Variants in RBMS3 observed in about 807,000 individuals in gnomAD.
RBMS3 encodes the protein RNA binding motif single stranded interacting protein 3.
A neutral mutation model predicts 66.8 loss-of-function variants in RBMS3; 27 were observed. The observed-to-expected ratio is 0.40, with a 90% CI of 0.30 to 0.56. The LOEUF (loss-of-function observed/expected upper bound fraction) is 0.56. Among genes scored for constraint, RBMS3 ranks in the 20% least tolerant of loss-of-function variants. The pLI is 0.40. For synonymous variants in RBMS3, 188 were observed against 183.0 expected, an observed-to-expected ratio of 1.03 and a Z score of -0.22; for missense variants, 513 against 549.5, an observed-to-expected ratio of 0.93 and a Z score of 0.66.
chr3:29,773,335 A>C (rs2056290296), intron 6 of RBMS3, among the ~76,000 whole-genome samples: 1 of 152,056 alleles, frequency 6.6e-6, no homozygotes, highest in African/African-American at 2.4e-5. Flanking sequence ...ATTTAGAAAG[A>C]TAGATAATGC....
At chr3:30,003,730 GC>G in intron 14 of RBMS3, 125 bp from the exon 15 acceptor site, 1 of 565,930 alleles carries the variant, frequency 1.8e-6, no homozygotes, top group Non-Finnish European at 2.8e-6. Flanking sequence ...ATTTTATGAT[GC>G]TTTTGTGACT....
chr3:29,386,683 A>T (rs1488885359), intron 1 of RBMS3, among the ~76,000 whole-genome samples: 4 of 152,336 alleles, frequency 2.6e-5, no homozygotes, highest in African/African-American at 9.6e-5. Flanking sequence ...CTTAAGAGAA[A>T]AAAAGCTCTT....
At position 29,884,165 on chromosome 3, in the gene RBMS3, G is replaced by A. The variant is rs748065601; in HGVS notation, c.748G>A (p.Gly250Ser). ...GRPWPREGEA[G>S]MALTYDPTAA... ...TCCCTCTTCATCCTATATACAGGCT[G>A]GCATGGCTTTGACCTATGACCCCAC... Residue 250 changes from glycine (G) to serine (S), a missense_variant, in exon 8 of 15, where the codon GGC (glycine) becomes AGC (serine). Physicochemically the swap from Gly to Ser is moderately conservative, Grantham distance 56 (BLOSUM62 0). Transcript: ENST00000383767. 1 of 1,611,626 alleles carries A rather than the reference G, an allele frequency of 6.2e-7. No homozygotes were observed. The highest frequency in any genetic ancestry group is 8.5e-7 in the Non-Finnish European group (1 of 1,178,384).
At chr3:29,998,103 C>G (rs1014446812) in intron 14 of RBMS3, among the ~76,000 whole-genome samples, 6 of 152,208 alleles carry the variant, frequency 3.9e-5, no homozygotes, top group Admixed American at 3.9e-4. Context: ...ACAAAAATCA[C>G]AAGAACTCTT....
chr3:29,788,760 T>C (rs1415723251), intron 6 of RBMS3, among the ~76,000 whole-genome samples: 2 of 152,210 alleles, frequency 1.3e-5, no homozygotes, highest in East Asian at 1.9e-4. Context: ...ATATATAAAC[T>C]GTACTTGCTA....
intron 11 of RBMS3, among the ~76,000 whole-genome samples, chr3:29,941,914 T>G (rs761041738): frequency 2.0e-5 from 3 of 151,822 alleles, no homozygotes; most frequent in Non-Finnish European, 4.4e-5. Context: ...TAGCACTGAT[T>G]GCTTGATGAT....
At chr3:29,980,752 C>T (rs1447714132) in intron 12 of RBMS3, among the ~76,000 whole-genome samples, 8 of 151,878 alleles carry the variant, frequency 5.3e-5, no homozygotes, top group African/African-American at 1.9e-4. Flanking sequence ...AGATGTATGG[C>T]ATATTTCTGA....
In RBMS3 at chr3:29,585,369, A is replaced by G. The variant is rs1373664544; in HGVS notation, c.308-1745A>G. On this transcript the variant is annotated intron_variant, in intron 3 of 14. Transcript: ENST00000383767. ...TTGAGTCCTTTCTCTGATGGGCTTC[A>G]GAGGCTACTAGCATAGTTTACAACG... 2.0e-5 allele frequency among the ~76,000 whole-genome samples: 3 copies of G among 152,158 alleles called. No individual in the cohort carries two copies. In the East Asian group the frequency reaches 5.8e-4, roughly 29 times the overall value.
intron 1 of RBMS3, among the ~76,000 whole-genome samples, chr3:29,408,472 GA>G (rs573746928): frequency 9.9e-5 from 15 of 151,648 alleles, no homozygotes; most frequent in Non-Finnish European, 1.8e-4. Context: ...GATGGTTTAG[GA>G]AAAAAAATCT....
chr3:29,951,738 A>G (rs1278733696), intron 12 of RBMS3, among the ~76,000 whole-genome samples: 1 of 151,678 alleles, frequency 6.6e-6, no homozygotes, highest in African/African-American at 2.4e-5. Context: ...TAAAAATAAA[A>G]GAAATAGTAA....
intron 6 of RBMS3, among the ~76,000 whole-genome samples, chr3:29,843,532 A>C (rs2058710997): frequency 6.6e-6 from 1 of 152,238 alleles, no homozygotes; most frequent in African/African-American, 2.4e-5. Context: ...ATCTATAATC[A>C]AAATCCTTTG....
intron 5 of RBMS3, among the ~76,000 whole-genome samples, chr3:29,747,950 GT>G (rs2054998779): frequency 6.8e-5 from 3 of 43,986 alleles, no homozygotes; most frequent in African/African-American, 4.0e-4. Flanking sequence ...TAGGTAATTT[GT>G]CTGCCTGCTG....
At chr3:29,746,517 A>G (rs1284708113) in intron 5 of RBMS3, among the ~76,000 whole-genome samples, 1 of 152,122 alleles carries the variant, frequency 6.6e-6, no homozygotes, top group Non-Finnish European at 1.5e-5. Context: ...TTGCCATCAG[A>G]TGTGGTCTGC....
chr3:29,770,257 A>C (rs988081406), intron 6 of RBMS3, among the ~76,000 whole-genome samples: 4 of 151,946 alleles, frequency 2.6e-5, no homozygotes, highest in Non-Finnish European at 5.9e-5. Flanking sequence ...AAAAACAAAA[A>C]AGAGAATTTC....
At chr3:29,676,232 A>G (rs996010941) in intron 4 of RBMS3, among the ~76,000 whole-genome samples, 21 of 152,056 alleles carry the variant, frequency 1.4e-4, no homozygotes, top group Admixed American at 1.2e-3. Flanking sequence ...CAATGAGAAC[A>G]CTTGGACACA....
chr3:29,758,633 T>C (rs575462829), intron 5 of RBMS3, among the ~76,000 whole-genome samples: 27 of 152,296 alleles, frequency 1.8e-4, no homozygotes, highest in African/African-American at 6.5e-4. Flanking sequence ...GTCAGGTGCC[T>C]GGCAGGAAGA....
chr3:29,810,900 C>A (rs776758385), intron 6 of RBMS3, among the ~76,000 whole-genome samples: 50 of 152,102 alleles, frequency 3.3e-4, no homozygotes, highest in Admixed American at 1.2e-3. Flanking sequence ...ATAACAAAGT[C>A]TCTCCTAGTA....
At chr3:29,674,737 C>CAAA (rs149403305) in intron 4 of RBMS3, among the ~76,000 whole-genome samples, 2 of 100,902 alleles carry the variant, frequency 2.0e-5, no homozygotes, top group African/African-American at 3.7e-5. Context: ...ACCACTGCTC[C>CAAA]AAAAAAAAAA....
At chr3:29,357,120 A>G (rs977599331) in intron 1 of RBMS3, among the ~76,000 whole-genome samples, 1 of 152,116 alleles carries the variant, frequency 6.6e-6, no homozygotes, top group African/African-American at 2.4e-5. Flanking sequence ...ACATATGTAT[A>G]CATGTGACAT....
Sources: gnomAD v4.1 joint callset for allele counts (sites outside exome capture counted in the v4.1 genomes callset) on GRCh38, gnomAD v4.1.1 for gene constraint, MANE v1.5 for transcripts, NCBI Gene and HGNC (gene_info 2026-07-23, HGNC 2026-07-21) for gene names.